Variants in WRAP73 observed in about 807,000 individuals in gnomAD.
The protein encoded by WRAP73 is WD repeat-containing protein WRAP73.
A neutral mutation model predicts 59.6 loss-of-function variants in WRAP73; 55 were observed. The observed-to-expected ratio is 0.92, with a 90% CI of 0.74 to 1.15. WRAP73 has a LOEUF of 1.15. Ranked by LOEUF, WRAP73 falls within the 50% of genes most tolerant of loss-of-function variation. WRAP73 has a pLI of 0.00. For missense variants in WRAP73, 592 were observed against 608.1 expected, an observed-to-expected ratio of 0.97 and a Z score of 0.28; for synonymous variants, 265 against 258.2, an observed-to-expected ratio of 1.03 and a Z score of -0.25.
At chr1:3,638,379 G>A (rs1644607973) in intron 4 of WRAP73, among the ~76,000 whole-genome samples, 1 of 152,222 alleles carries the variant, frequency 6.6e-6, no homozygotes, top group Admixed American at 6.5e-5. Flanking sequence ...ACAGAAGAGA[G>A]AAAGCTCAGA....
At position 3,650,054 on chromosome 1, in the gene WRAP73, G is replaced by C. The variant is rs1252551033; in HGVS notation, c.-55C>G. On this transcript the variant is annotated 5_prime_UTR_variant, in exon 1 of 12. Coordinates refer to ENST00000270708, the MANE Select transcript of WRAP73 (RefSeq NM_017818.4). ...CGCCCGAAAACCCGCGGGACCCCTG[G>C]GCGCGCAGCAGGCTGCAACAGCCGA... is the stretch of plus-strand genomic sequence containing the variant. 1 of 1,496,652 alleles carries C rather than the reference G, an allele frequency of 6.7e-7. No individual in the cohort carries two copies. The highest frequency in any genetic ancestry group is 9.0e-7 in the Non-Finnish European group (1 of 1,115,918). The allele number at this position is 1,496,652 out of a possible 1,614,324, so 92.7% of individuals were successfully genotyped here.
At chr1:3,633,854 A>G (rs1347639101) in intron 8 of WRAP73, 5 of 201,522 alleles carry the variant, frequency 2.5e-5, no homozygotes, top group Non-Finnish European at 5.0e-5. Flanking sequence ...GCACCAACAC[A>G]GCAGAGGCCC....
At position 3,631,569 on chromosome 1, in the gene WRAP73, A is replaced by C. The variant is rs1557452675; in HGVS notation, c.1137T>G (p.Phe379Leu). The change falls in exon 11 of 12, where the codon TTT (phenylalanine) becomes TTG (leucine). Residue 379 changes from phenylalanine to leucine, a missense_variant. Coordinates refer to ENST00000270708, the MANE Select transcript of WRAP73 (RefSeq NM_017818.4). Reference sequence around the variant, plus strand: ...GCCGCGGCTGCTGCGGGTCCCACTGAAATGCGCGCACTGGGGACAGCTGCT... The same window carrying C: ...GCCGCGGCTGCTGCGGGTCCCACTGCAATGCGCGCACTGGGGACAGCTGCT... ...VLEQLSPVRA[F>L]QWDPQQPRLA... 5.0e-6 allele frequency: 8 copies of C among 1,611,376 alleles called. No individual in the cohort carries two copies. The highest frequency in any genetic ancestry group is 6.8e-6 in the Non-Finnish European group (8 of 1,179,852).
chr1:3,641,540 G>A (rs572673194), intron 3 of WRAP73, among the ~76,000 whole-genome samples: 21 of 152,330 alleles, frequency 1.4e-4, no homozygotes, highest in African/African-American at 4.8e-4. Context: ...ATGGGATTCC[G>A]AGTAGGCAGT....
chr1:3,645,407 C>G (rs1235954939), intron 3 of WRAP73, among the ~76,000 whole-genome samples: 46 of 125,802 alleles, frequency 3.7e-4, no homozygotes, highest in African/African-American at 1.3e-3. Flanking sequence ...GCGGGTTGCC[C>G]CGTGGTGTGC....
rs1345591068 is a variant in WRAP73 at position 3,631,589 on chromosome 1, G to A, written c.1117C>T (p.Leu373=). The A allele has an allele frequency of 6.2e-7, 1 of 1,608,528 alleles. No individual in the cohort carries two copies. Among genetic ancestry groups the A allele is most frequent in the Non-Finnish European group, 8.5e-7 (1 of 1,179,884 alleles). ...CACTGAAATGCGCGCACTGGGGACA[G>A]CTGCTCGAGCACCGCGAACAGCCTC... is the stretch of plus-strand genomic sequence containing the variant. ...KLRLFAVLEQ[L]SPVRAFQWDP... is the part of the protein sequence containing the mutation. Residue 373 remains leucine, a synonymous_variant, in exon 11 of 12, where the codon CTG becomes TTG. Coordinates refer to ENST00000270708, the MANE Select transcript of WRAP73 (RefSeq NM_017818.4).
intron 8 of WRAP73, 117 bp downstream of exon 8, chr1:3,634,880 G>A: frequency 3.3e-6 from 4 of 1,230,262 alleles, no homozygotes; most frequent in Non-Finnish European, 4.7e-6. Flanking sequence ...CAAGTTTACG[G>A]TGATGGAAGT....
chr1:3,631,579 A>G lies in WRAP73; in HGVS notation c.1127T>C (p.Val376Ala), dbSNP rs12565918. 4.3e-6 allele frequency: 7 copies of G among 1,609,886 alleles called. No individual in the cohort carries two copies. The highest frequency in any genetic ancestry group is 2.2e-5 in the East Asian group (1 of 44,874). Residue 376 changes from valine to alanine, a missense_variant, in exon 11 of 12, where the codon GTG becomes GCG. Transcript: ENST00000270708. ...CTGCGGGTCCCACTGAAATGCGCGC[A>G]CTGGGGACAGCTGCTCGAGCACCGC... is the stretch of plus-strand genomic sequence containing the variant. ...LFAVLEQLSP[V>A]RAFQWDPQQP...
intron 2 of WRAP73, chr1:3,647,142 G>A (rs1644699739): frequency 2.2e-6 from 1 of 462,528 alleles, no homozygotes; most frequent in Non-Finnish European, 3.8e-6. Context: ...CGACTTCTTA[G>A]GACTTCCTGA....
chr1:3,632,023 C>G, intron 10 of WRAP73, 190 bp downstream of exon 10: 3 of 1,476,312 alleles, frequency 2.0e-6, no homozygotes, highest in South Asian at 2.8e-5. Context: ...ATGCGCGGAC[C>G]TGCGGCTGCT....
chr1:3,647,489 G>A lies in WRAP73; in HGVS notation c.141C>T (p.Cys47=). The change falls in exon 2 of 12, where the codon TGC becomes TGT. Residue 47 remains cysteine, a synonymous_variant. Transcript: ENST00000270708. The part of the protein sequence containing the change: ...NTLQILQLYT[C]LDQIQHIEWS... ...ACTCGATGTGCTGGATCTGGTCTAG[G>A]CACGTGTACAGCTGAAGGATCTGAA... 6.2e-7 allele frequency: 1 copy of A among 1,613,970 alleles called. No individual in the cohort carries two copies. Among genetic ancestry groups the A allele is most frequent in the Non-Finnish European group, 8.5e-7 (1 of 1,179,944 alleles).
rs1215661896 is a variant in WRAP73, at chr1:3,646,159, G to C, written c.339+507C>G. On this transcript the variant is annotated intron_variant, in intron 3 of 11. Coordinates refer to ENST00000270708, the MANE Select transcript of WRAP73 (RefSeq NM_017818.4). This position sits in a 1 kb window ranked among gnomAD's most constrained non-coding sequence, Gnocchi z 5.1. The stretch of plus-strand genomic sequence containing the variant: ...GGAGCCACCTCAGTCATCAGACCCA[G>C]GGCAGCAGACAGTGCCTGTGTTCAC... 6.6e-6 allele frequency among the ~76,000 whole-genome samples: 1 copy of C among 152,190 alleles called. No homozygotes were observed. Among genetic ancestry groups the C allele is most frequent in the African/African-American group, 2.4e-5 (1 of 41,440 alleles).
chr1:3,645,211 C>T (rs1644677388), intron 3 of WRAP73, among the ~76,000 whole-genome samples: 1 of 152,238 alleles, frequency 6.6e-6, no homozygotes, highest in Non-Finnish European at 1.5e-5. Context: ...CCAGCCGATG[C>T]CAGCTTGAAA....
chr1:3,650,075 G>A lies in WRAP73; in HGVS notation c.-76C>T. 2.8e-6 allele frequency: 4 copies of A among 1,424,078 alleles called. No individual in the cohort carries two copies. Among genetic ancestry groups the A allele is most frequent in the Non-Finnish European group, 3.7e-6 (4 of 1,067,712 alleles). 88.2% of individuals were successfully genotyped at this position (1,424,078 alleles called of 1,614,324 possible). ...CCTGGGCGCGCAGCAGGCTGCAACA[G>A]CCGACGCCGGCCTCCGAGGCCGGAA... is the stretch of plus-strand genomic sequence containing the variant. On this transcript the variant is annotated 5_prime_UTR_variant, in exon 1 of 12. Transcript: ENST00000270708.
Position 3,631,618 on chromosome 1 carries a change from T to C in WRAP73, c.1088A>G (p.Lys363Arg). 2 of 1,603,240 alleles carry C rather than the reference T, an allele frequency of 1.2e-6. No homozygotes were observed. The highest frequency in any genetic ancestry group is 1.7e-6 in the Non-Finnish European group (2 of 1,179,426). ...PNAVWVWDIQKLRLFAVLEQL... is the reference protein window; with the variant it reads ...PNAVWVWDIQRLRLFAVLEQL... ...CTCGAGCACCGCGAACAGCCTCAGC[T>C]TCTGAATGTCCCAGACCCAGACGGC... The change falls in exon 11 of 12, where the codon AAG (lysine) becomes AGG (arginine). Residue 363 changes from lysine to arginine, a missense_variant. Physicochemically the swap from Lys to Arg is conservative, Grantham distance 26. Coordinates refer to ENST00000270708, the MANE Select transcript of WRAP73 (RefSeq NM_017818.4).
In WRAP73 at chr1:3,639,967, G is replaced by A. The variant is rs1382744191; in HGVS notation, c.340-1145C>T. On this transcript the variant is annotated intron_variant, in intron 3 of 11. Coordinates refer to ENST00000270708, the MANE Select transcript of WRAP73 (RefSeq NM_017818.4). This position sits in a 1 kb window ranked among gnomAD's most constrained non-coding sequence, Gnocchi z 4.3. ...AGTGTCACTCCTGCAAACGCTGCCAGGTTGTCAGTATAGGATATTAACAAA... is the reference window on the plus strand; with the variant it reads ...AGTGTCACTCCTGCAAACGCTGCCAAGTTGTCAGTATAGGATATTAACAAA... Among the ~76,000 whole-genome samples the A allele has an allele frequency of 6.6e-6, 1 of 152,208 alleles. No individual in the cohort carries two copies. Among genetic ancestry groups the A allele is most frequent in the African/African-American group, 2.4e-5 (1 of 41,446 alleles).
Position 3,635,328 on chromosome 1 carries a change from C to T in WRAP73, c.604-34G>A, listed in dbSNP as rs189756941. ...GAGACATTTCAGTTAATAATGAATA[C>T]ACCCCCGTCGCCAGGAACACACCAC... On this transcript the variant is annotated intron_variant, in intron 6 of 11. Coordinates refer to ENST00000270708, the MANE Select transcript of WRAP73 (RefSeq NM_017818.4). The T allele has an allele frequency of 6.4e-5, 103 of 1,611,366 alleles. No homozygotes were observed. The Admixed American group carries it at 1.7e-3, about 26-fold the overall frequency.
rs760372349 is a variant in WRAP73 at position 3,650,004 on chromosome 1, G to A, written c.-5C>T. The A allele has an allele frequency of 2.7e-5, 43 of 1,583,336 alleles. No individual in the cohort carries two copies. The highest frequency in any genetic ancestry group is 3.5e-5 in the Non-Finnish European group (41 of 1,167,550). ...GAATACCTCGGAGAAGTTCATGGCCGCCGCCTGCCGCGGGCGCCACCCTGC... is the reference window on the plus strand; with the variant it reads ...GAATACCTCGGAGAAGTTCATGGCCACCGCCTGCCGCGGGCGCCACCCTGC... On this transcript the variant is annotated 5_prime_UTR_variant, in exon 1 of 12. Coordinates refer to ENST00000270708, the MANE Select transcript of WRAP73 (RefSeq NM_017818.4).
intron 9 of WRAP73, chr1:3,633,148 G>A (rs1255103421): frequency 1.1e-5 from 5 of 457,534 alleles, no homozygotes; most frequent in Non-Finnish European, 1.2e-5. Flanking sequence ...ACATCCCCTC[G>A]GAGCTCCCGC....
Sources: gnomAD v4.1 joint callset for allele counts (sites outside exome capture counted in the v4.1 genomes callset) on GRCh38, gnomAD v4.1.1 for gene constraint, Gnocchi (gnomAD v3.1) non-coding constraint, MANE v1.5 for transcripts, NCBI Gene and HGNC (gene_info 2026-07-23, HGNC 2026-07-21) for gene names.